The following RBPJ variants were observed in gnomAD, a reference collection of about 807,000 sequenced individuals.
RBPJ encodes recombination signal binding protein for immunoglobulin kappa J region.
In RBPJ, 9 loss-of-function variants were observed where a neutral mutation model predicts 67.8. The observed-to-expected ratio is 0.13, with a 90% CI of 0.08 to 0.23. The LOEUF (loss-of-function observed/expected upper bound fraction) is 0.23, where lower values mean the gene tolerates loss of function less well. Ranked by LOEUF, RBPJ falls within the 10% of genes least tolerant of loss-of-function variation. The pLI, the probability that RBPJ is intolerant of heterozygous loss-of-function variation, is 1.00. For synonymous variants in RBPJ, 198 were observed against 203.3 expected, an observed-to-expected ratio of 0.97 and a Z score of 0.22; for missense variants, 305 against 595.6, an observed-to-expected ratio of 0.51 and a Z score of 5.08.
At chr4:26,300,737 G>C (rs1722047722) in intron 1 of RBPJ, among the ~76,000 whole-genome samples, 1 of 152,200 alleles carries the variant, frequency 6.6e-6, no homozygotes, top group Non-Finnish European at 1.5e-5. Flanking sequence ...GCCTTGACCT[G>C]TCTCTCCAGT....
chr4:26,350,323 CTTAT>C (rs1418162478), intron 1 of RBPJ, among the ~76,000 whole-genome samples: 3 of 152,036 alleles, frequency 2.0e-5, no homozygotes, highest in Non-Finnish European at 4.4e-5. Flanking sequence ...TTTTTGTGTG[CTTAT>C]TTATACAGTA....
intron 1 of RBPJ, among the ~76,000 whole-genome samples, chr4:26,192,860 C>T (rs1041540949): frequency 2.6e-5 from 4 of 152,188 alleles, no homozygotes; most frequent in Non-Finnish European, 5.9e-5. Flanking sequence ...CCTGCAAATA[C>T]GTCACCAAAG....
the RBPJ span, among the ~76,000 whole-genome samples, chr4:26,132,196 CT>C: frequency 1.3e-5 from 2 of 151,470 alleles, no homozygotes; most frequent in Non-Finnish European, 2.9e-5. Flanking sequence ...GACTGACTAA[CT>C]ATTTTTTTAG....
At chr4:26,260,670 T>C (rs2109249840) in intron 1 of RBPJ, among the ~76,000 whole-genome samples, 1 of 152,310 alleles carries the variant, frequency 6.6e-6, no homozygotes, top group East Asian at 1.9e-4. Flanking sequence ...CAGTTGCAGA[T>C]TATTTTGTAT....
rs1064404 is a variant in RBPJ at position 26,430,895 on chromosome 4, A to T, written c.1352A>T (p.Asn451Ile). ...GCAGCAGGAGCAATCCTTCGAGCCA[A>T]TTCAAGCCAGGTGCCCCCTAACGAA... ...CSAAGAILRA[N>I]SSQVPPNESN... Residue 451 changes from asparagine to isoleucine, a missense_variant, in exon 11 of 11, where the codon AAT becomes ATT. Physicochemically the swap from Asn to Ile is moderately radical, Grantham distance 149. Around this residue, in one of 7 missense-constraint regions of RBPJ, gnomAD observed 51 missense variants for 52.8 expected, o/e 0.97. Transcript: ENST00000355476. The surrounding 1 kb of genome is among the most constrained non-coding windows in gnomAD (Gnocchi z 4.1). 3.1e-6 allele frequency: 5 copies of T among 1,614,070 alleles called. No homozygotes were observed. The highest frequency in any genetic ancestry group is 1.7e-5 in the Admixed American group (1 of 60,016).
At chr4:26,129,496 A>G in the RBPJ span, among the ~76,000 whole-genome samples, 1 of 152,286 alleles carries the variant, frequency 6.6e-6, no homozygotes, top group East Asian at 1.9e-4. Flanking sequence ...CTGGGTTCTC[A>G]TCTTTGCTCC....
the RBPJ span, among the ~76,000 whole-genome samples, chr4:26,140,860 A>AATAAATAC: frequency 6.6e-6 from 1 of 151,660 alleles, no homozygotes; most frequent in Non-Finnish European, 1.5e-5. Context: ...TAAATAAATA[A>AATAAATAC]ATAAATAAAA....
chr4:26,398,913 G>A (rs1408663630), intron 2 of RBPJ, among the ~76,000 whole-genome samples: 1 of 152,094 alleles, frequency 6.6e-6, no homozygotes, highest in Non-Finnish European at 1.5e-5. Context: ...CGTCCAGCCC[G>A]TCTTTCAGAA....
At chr4:26,116,664 C>A in the RBPJ span, among the ~76,000 whole-genome samples, 125 of 152,334 alleles carry the variant, frequency 8.2e-4, no homozygotes, top group African/African-American at 2.9e-3. Flanking sequence ...AAACAGATTG[C>A]AAAGGTCTGA....
chr4:26,320,389 TG>T (rs894912100), upstream of RBPJ, among the ~76,000 whole-genome samples: 1 of 151,986 alleles, frequency 6.6e-6, no homozygotes, highest in African/African-American at 2.4e-5. Context: ...CTCATTAGCA[TG>T]GGGGGGTGTA....
intron 2 of RBPJ, among the ~76,000 whole-genome samples, chr4:26,405,786 A>G (rs905630175): frequency 3.9e-5 from 6 of 152,256 alleles, no homozygotes; most frequent in African/African-American, 1.4e-4. Flanking sequence ...GAAACTGAGG[A>G]AGGGAATTAC....
chr4:26,416,158 G>A (rs1734565289), intron 4 of RBPJ, among the ~76,000 whole-genome samples: 1 of 152,164 alleles, frequency 6.6e-6, no homozygotes. Context: ...TCAAATTTTA[G>A]TGCGTGGCAG....
At chr4:26,107,251 G>T in the RBPJ span, among the ~76,000 whole-genome samples, 1 of 152,182 alleles carries the variant, frequency 6.6e-6, no homozygotes, top group Non-Finnish European at 1.5e-5. Flanking sequence ...AGTCTCAAGT[G>T]CCCATCCCAC....
chr4:26,328,489 A>T (rs371534142), intron 1 of RBPJ, among the ~76,000 whole-genome samples: 45 of 152,338 alleles, frequency 3.0e-4, no homozygotes, highest in African/African-American at 1.0e-3. Context: ...TGGTGGGAAC[A>T]CAGATGTAAA....
In RBPJ at chr4:26,406,188, AATT is replaced by A; in HGVS notation, c.77_79del (p.Tyr26del). On this transcript the variant is annotated inframe_deletion, in exon 3 of 11. Coordinates refer to ENST00000355476, the MANE Select transcript of RBPJ (RefSeq NM_015874.6). ...ATTTGTTTTTAGGGAAGCTATGCGA[AATT>A]ATTTAAAAGAGCGAGGGGATCAAAC... The A allele has an allele frequency of 6.2e-7, 1 of 1,610,518 alleles. No homozygotes were observed.
At chr4:26,320,187 G>T, upstream of RBPJ, among the ~76,000 whole-genome samples, 1 of 152,238 alleles carries the variant, frequency 6.6e-6, no homozygotes, top group East Asian at 1.9e-4. Context: ...GGAGAATGTG[G>T]CTCTCAATTC....
chr4:26,411,256 T>TTAAATAAA lies in RBPJ; in HGVS notation c.156-4202_156-4195dup, dbSNP rs371915967. Among the ~76,000 whole-genome samples, 513 of 152,056 alleles carry TTAAATAAA rather than the reference T, an allele frequency of 3.4e-3. 4 individuals are homozygous for TTAAATAAA. The highest frequency in any genetic ancestry group is 0.012 in the African/African-American group (495 of 41,468). ...TGAAAGTCTGACTCTGTCTTTAAAA[T>TTAAATAAA]TAAATAAATAAATAAATAAATAAAG... On this transcript the variant is annotated intron_variant, in intron 3 of 10. Transcript: ENST00000355476.
At chr4:26,119,100 C>T in the RBPJ span, among the ~76,000 whole-genome samples, 2 of 152,174 alleles carry the variant, frequency 1.3e-5, no homozygotes, top group Non-Finnish European at 2.9e-5. Flanking sequence ...CTAATCTTAC[C>T]TACCTTATAA....
the RBPJ span, among the ~76,000 whole-genome samples, chr4:26,107,216 G>A: frequency 6.6e-6 from 1 of 152,234 alleles, no homozygotes; most frequent in Admixed American, 6.5e-5. Context: ...AATGTTCACT[G>A]TTGGATTGTG....
Sources: allele counts gnomAD v4.1 joint callset (sites outside exome capture counted in the v4.1 genomes callset), GRCh38; gene constraint gnomAD v4.1.1; regional missense constraint gnomAD v4.1.1; non-coding constraint Gnocchi (gnomAD v3.1); transcripts MANE v1.5; gene names NCBI Gene and HGNC (gene_info 2026-07-23, HGNC 2026-07-21).